Variants in GNG12 observed in about 807,000 individuals in gnomAD.
GNG12 encodes the protein G protein subunit gamma 12.
For synonymous variants in GNG12, 28 were observed against 29.7 expected, an observed-to-expected ratio of 0.94 and a Z score of 0.19; for missense variants, 69 against 83.8, an observed-to-expected ratio of 0.82 and a Z score of 0.69.
intron 2 of GNG12, among the ~76,000 whole-genome samples, chr1:67,765,863 G>A (rs1397173326): frequency 6.6e-6 from 1 of 152,088 alleles, no homozygotes; most frequent in African/African-American, 2.4e-5. Context: ...CTGCTTTCTA[G>A]TGGGCTTTAC....
intron 2 of GNG12, among the ~76,000 whole-genome samples, chr1:67,726,190 G>A (rs1266104463): frequency 6.6e-6 from 1 of 152,196 alleles, no homozygotes; most frequent in East Asian, 1.9e-4. Flanking sequence ...TGGGTCCCAA[G>A]CATTGGCTTT....
intron 1 of GNG12, among the ~76,000 whole-genome samples, chr1:67,798,113 G>A (rs1646842757): frequency 6.6e-6 from 1 of 152,058 alleles, no homozygotes; most frequent in African/African-American, 2.4e-5. Context: ...CCTACACCAA[G>A]GGTCCCCAAC....
At chr1:67,732,481 T>C (rs1646425530) in intron 2 of GNG12, among the ~76,000 whole-genome samples, 1 of 152,202 alleles carries the variant, frequency 6.6e-6, no homozygotes, top group Non-Finnish European at 1.5e-5. Flanking sequence ...GACTAAGTAC[T>C]TTAAATACTG....
intron 1 of GNG12, among the ~76,000 whole-genome samples, chr1:67,799,587 T>C (rs905606217): frequency 2.0e-5 from 3 of 152,214 alleles, no homozygotes; most frequent in African/African-American, 7.2e-5. Context: ...TTACAGATAG[T>C]TCTATTATAG....
chr1:67,785,486 T>G (rs577150726), intron 1 of GNG12, among the ~76,000 whole-genome samples: 85 of 152,296 alleles, frequency 5.6e-4, no homozygotes, highest in African/African-American at 1.9e-3. Context: ...TATTTGGGAA[T>G]GTGTTGCACT....
At chr1:67,746,795 C>T (rs1015789211) in intron 2 of GNG12, among the ~76,000 whole-genome samples, 7 of 152,132 alleles carry the variant, frequency 4.6e-5, no homozygotes, top group Non-Finnish European at 1.0e-4. Context: ...AGTTCTAAAA[C>T]ATTTATTCTC....
chr1:67,730,393 C>T (rs1490363341), intron 2 of GNG12, among the ~76,000 whole-genome samples: 1 of 152,038 alleles, frequency 6.6e-6, no homozygotes, highest in Non-Finnish European at 1.5e-5. Flanking sequence ...TCCAGCTACT[C>T]GGGAGGCTGA....
intron 1 of GNG12, among the ~76,000 whole-genome samples, chr1:67,793,515 T>C (rs1646812915): frequency 6.6e-6 from 1 of 152,212 alleles, no homozygotes; most frequent in Admixed American, 6.5e-5. Flanking sequence ...TATTTGGTCA[T>C]TCAAGTCAAG....
chr1:67,760,644 C>G (rs1157103821), intron 2 of GNG12, among the ~76,000 whole-genome samples: 1 of 152,170 alleles, frequency 6.6e-6, no homozygotes. Context: ...AAATACTGAA[C>G]CTTAGTGTTA....
At chr1:67,773,103 T>C (rs1294693537) in intron 2 of GNG12, among the ~76,000 whole-genome samples, 1 of 152,216 alleles carries the variant, frequency 6.6e-6, no homozygotes, top group Non-Finnish European at 1.5e-5. Context: ...TTTCTGTTGC[T>C]TGCAACCAAA....
At chr1:67,823,799 T>G (rs1252311603) in intron 1 of GNG12, among the ~76,000 whole-genome samples, 1 of 152,198 alleles carries the variant, frequency 6.6e-6, no homozygotes, top group Admixed American at 6.5e-5. Context: ...TGGGAATCAA[T>G]CCTTAAGTAC....
At chr1:67,782,597 A>AT (rs1646743732) in intron 1 of GNG12, among the ~76,000 whole-genome samples, 1 of 152,188 alleles carries the variant, frequency 6.6e-6, no homozygotes, top group Admixed American at 6.6e-5. Context: ...CTGGTGGTAT[A>AT]TGTACTCAAC....
intron 2 of GNG12, among the ~76,000 whole-genome samples, chr1:67,708,677 C>A (rs1646264313): frequency 1.3e-5 from 2 of 152,112 alleles, no homozygotes; most frequent in South Asian, 4.1e-4. Context: ...GGTGCCCTGA[C>A]CTATATGGCT....
intron 1 of GNG12, among the ~76,000 whole-genome samples, chr1:67,821,951 C>T (rs1285484388): frequency 6.6e-6 from 1 of 151,904 alleles, no homozygotes; most frequent in African/African-American, 2.4e-5. Context: ...ACTGAAACCG[C>T]AAACTCAAGC....
At chr1:67,811,508 C>G (rs1455339693) in intron 1 of GNG12, among the ~76,000 whole-genome samples, 1 of 152,224 alleles carries the variant, frequency 6.6e-6, no homozygotes, top group African/African-American at 2.4e-5. Flanking sequence ...AACTAAGCCA[C>G]TCTGCACTGG....
At chr1:67,766,542 C>G (rs1458969427) in intron 2 of GNG12, among the ~76,000 whole-genome samples, 2 of 151,786 alleles carry the variant, frequency 1.3e-5, no homozygotes, top group African/African-American at 4.8e-5. Flanking sequence ...TCATTCTCCT[C>G]AAACTTGAGA....
At chr1:67,716,351 G>A (rs1016286616) in intron 2 of GNG12, among the ~76,000 whole-genome samples, 1 of 152,094 alleles carries the variant, frequency 6.6e-6, no homozygotes, top group African/African-American at 2.4e-5. Context: ...GCCATCCAGG[G>A]TACATGTCCC....
At chr1:67,735,502 G>A (rs889617345) in intron 2 of GNG12, among the ~76,000 whole-genome samples, 9 of 152,190 alleles carry the variant, frequency 5.9e-5, no homozygotes, top group African/African-American at 2.2e-4. Flanking sequence ...ATTGGAGCCT[G>A]CGTCCTCATC....
intron 1 of GNG12, among the ~76,000 whole-genome samples, chr1:67,810,093 A>G (rs2100807799): frequency 6.6e-6 from 1 of 152,354 alleles, no homozygotes; most frequent in South Asian, 2.1e-4. Flanking sequence ...TGCTAAAAGG[A>G]AATGAGCTAT....
Sources: allele counts gnomAD v4.1 joint callset (sites outside exome capture counted in the v4.1 genomes callset), GRCh38; gene constraint gnomAD v4.1.1; transcripts MANE v1.5; gene names NCBI Gene and HGNC (gene_info 2026-07-23, HGNC 2026-07-21).